Variants in SLC30A8 observed in about 807,000 individuals in gnomAD.
SLC30A8 encodes proton-coupled zinc antiporter SLC30A8.
A neutral mutation model predicts 36.9 loss-of-function variants in SLC30A8; 27 were observed. That is an observed-to-expected ratio of 0.73 (90% CI 0.54 to 1.01). SLC30A8 has a LOEUF of 1.01. Among genes scored for constraint, SLC30A8 ranks in the 50% least tolerant of loss-of-function variants. The probability of loss-of-function intolerance (pLI) is 0.00; values close to 1 mark genes in which losing one functional copy is unlikely to be tolerated. For synonymous variants in SLC30A8, 164 were observed against 172.4 expected, an observed-to-expected ratio of 0.95 and a Z score of 0.38; for missense variants, 439 against 452.0, an observed-to-expected ratio of 0.97 and a Z score of 0.26.
At chr8:117,151,715 G>A (rs1371882232) in intron 2 of SLC30A8, among the ~76,000 whole-genome samples, 7 of 152,164 alleles carry the variant, frequency 4.6e-5, no homozygotes, top group African/African-American at 7.2e-5. Flanking sequence ...TGATTGCAGC[G>A]TACTGCTTAT....
chr8:117,042,181 TATG>T lies in SLC30A8; in HGVS notation c.-226+2927_-226+2929del, dbSNP rs1272128027. ...CACCTTTTATGACATTCAAAGACAT[TATG>T]ATGTCTTTATGAAAAATGATGTCAC... On this transcript the variant is annotated intron_variant, in intron 2 of 10. Coordinates refer to the SLC30A8 transcript ENST00000427715. Among the ~76,000 whole-genome samples the T allele has an allele frequency of 5.3e-5, 8 of 152,348 alleles. No homozygotes were observed. In the South Asian group the frequency reaches 1.0e-3, roughly 20 times the overall value.
chr8:117,031,652 T>A (rs923330812), intron 1 of SLC30A8, among the ~76,000 whole-genome samples: 1 of 152,010 alleles, frequency 6.6e-6, no homozygotes, highest in African/African-American at 2.4e-5. Context: ...TTAGTAGAGA[T>A]AAGGTTTCAC....
Position 117,001,204 on chromosome 8 carries a change from CTTTTTT to C in SLC30A8, c.-265-37998_-265-37993del, listed in dbSNP as rs34639384. ...CGTAGGAGAAAATATTTGCTAGGGG[CTTTTTT>C]TTTTTTTTTTTTTTTTGGAATTTTC... On this transcript the variant is annotated intron_variant, in intron 1 of 10. Coordinates refer to the SLC30A8 transcript ENST00000427715. 4.3e-4 allele frequency among the ~76,000 whole-genome samples: 34 copies of C among 78,314 alleles called. 1 individual carries two copies. Among genetic ancestry groups the C allele is most frequent in the East Asian group, 1.8e-3 (4 of 2,280 alleles). 51.4% of individuals were successfully genotyped at this position (78,314 alleles called of 152,430 possible). A position where few individuals can be genotyped will look rare whatever the true frequency, so the allele number is the denominator to read the frequency against.
chr8:117,160,531 C>T (rs999730242), intron 4 of SLC30A8, among the ~76,000 whole-genome samples: 27 of 152,136 alleles, frequency 1.8e-4, no homozygotes, highest in African/African-American at 5.8e-4. Context: ...CAACTGTTTT[C>T]ACTCACCTTT....
At chr8:117,018,431 T>C (rs1404658895) in intron 1 of SLC30A8, among the ~76,000 whole-genome samples, 1 of 152,194 alleles carries the variant, frequency 6.6e-6, no homozygotes, top group Non-Finnish European at 1.5e-5. Flanking sequence ...CCATAATGTC[T>C]TTGATGCTTA....
At chr8:117,115,132 G>T (rs1820392399) in intron 2 of SLC30A8, among the ~76,000 whole-genome samples, 1 of 151,940 alleles carries the variant, frequency 6.6e-6, no homozygotes, top group Non-Finnish European at 1.5e-5. Flanking sequence ...TAGAGACAGG[G>T]TCTCATTCTG....
intron 1 of SLC30A8, among the ~76,000 whole-genome samples, chr8:117,030,581 G>A (rs1817014208): frequency 6.6e-6 from 1 of 152,146 alleles, no homozygotes; most frequent in Non-Finnish European, 1.5e-5. Flanking sequence ...TGGGTGCAGT[G>A]TTAAATATGA....
chr8:116,994,158 G>A (rs904086604), intron 1 of SLC30A8, among the ~76,000 whole-genome samples: 2 of 152,002 alleles, frequency 1.3e-5, no homozygotes, highest in Non-Finnish European at 2.9e-5. Flanking sequence ...ATGATTCAAG[G>A]GAATATGAAT....
At chr8:117,169,347 A>T (rs566285268) in intron 6 of SLC30A8, among the ~76,000 whole-genome samples, 1 of 152,172 alleles carries the variant, frequency 6.6e-6, no homozygotes, top group Non-Finnish European at 1.5e-5. Flanking sequence ...AGAGTTATTT[A>T]TATCCTGCTC....
Position 117,161,905 on chromosome 8 carries a change from C to A in SLC30A8, c.723+17C>A, listed in dbSNP as rs754416697. ...TACTTTAAGGTGAGTTTGAGTTTAC[C>A]CACCATCCTAGTACTTATGTAGATT... On this transcript the variant is annotated intron_variant, in intron 5 of 7. Transcript: ENST00000456015. 4.4e-6 allele frequency: 7 copies of A among 1,606,700 alleles called. No individual in the cohort carries two copies. The highest frequency in any genetic ancestry group is 6.0e-6 in the Non-Finnish European group (7 of 1,174,876).
intron 2 of SLC30A8, among the ~76,000 whole-genome samples, chr8:117,073,252 C>T (rs1450580808): frequency 4.7e-5 from 7 of 149,098 alleles, no homozygotes; most frequent in African/African-American, 7.4e-5. Context: ...TATAATATTT[C>T]TTTCACTTTT....
At chr8:117,046,279 C>CA (rs1159343941) in intron 2 of SLC30A8, among the ~76,000 whole-genome samples, 1 of 152,186 alleles carries the variant, frequency 6.6e-6, no homozygotes, top group Non-Finnish European at 1.5e-5. Context: ...TGGACCCCCC[C>CA]ACCGCCACAG....
At chr8:116,988,630 A>G (rs1272338869) in intron 1 of SLC30A8, among the ~76,000 whole-genome samples, 1 of 152,208 alleles carries the variant, frequency 6.6e-6, no homozygotes, top group Non-Finnish European at 1.5e-5. Flanking sequence ...CTTCCTTAAT[A>G]TCTTATGCGT....
At chr8:117,018,675 C>CCCTTT (rs761796400) in intron 1 of SLC30A8, among the ~76,000 whole-genome samples, 1 of 105,352 alleles carries the variant, frequency 9.5e-6, no homozygotes, top group Non-Finnish European at 2.0e-5. Flanking sequence ...CCCCCCCCCC[C>CCCTTT]TTTTTTTTTT....
At chr8:117,093,735 C>G (rs572696408) in intron 2 of SLC30A8, among the ~76,000 whole-genome samples, 109 of 152,280 alleles carry the variant, frequency 7.2e-4, no homozygotes, top group African/African-American at 2.6e-3. Context: ...CCTCTGTGGC[C>G]AGTGGTGCCT....
intron 1 of SLC30A8, among the ~76,000 whole-genome samples, chr8:117,030,565 T>A (rs1219923126): frequency 6.6e-6 from 1 of 152,196 alleles, no homozygotes; most frequent in African/African-American, 2.4e-5. Flanking sequence ...GGAATAAACT[T>A]CTGCCTGGGT....
At chr8:117,108,320 G>A (rs1245355812) in intron 2 of SLC30A8, among the ~76,000 whole-genome samples, 1 of 152,162 alleles carries the variant, frequency 6.6e-6, no homozygotes, top group Admixed American at 6.6e-5. Flanking sequence ...GCCCCTACAT[G>A]ACAAGAATAA....
chr8:117,045,674 G>T (rs1298228141), intron 2 of SLC30A8, among the ~76,000 whole-genome samples: 2 of 152,202 alleles, frequency 1.3e-5, no homozygotes, highest in African/African-American at 4.8e-5. Context: ...CCAGGTGACT[G>T]CAGGGTAAAA....
At chr8:117,115,555 A>G (rs1169181232) in intron 2 of SLC30A8, among the ~76,000 whole-genome samples, 1 of 152,162 alleles carries the variant, frequency 6.6e-6, no homozygotes, top group South Asian at 2.1e-4. Flanking sequence ...CTCCACAAAT[A>G]AGCATGAGCA....
Sources: gnomAD v4.1 joint callset for allele counts (sites outside exome capture counted in the v4.1 genomes callset) on GRCh38, gnomAD v4.1.1 for gene constraint, MANE v1.5 for transcripts, NCBI Gene and HGNC (gene_info 2026-07-23, HGNC 2026-07-21) for gene names.